The following MAPK8IP3 variants were observed in gnomAD, a reference collection of about 807,000 sequenced individuals.
MAPK8IP3 encodes the protein C-Jun-amino-terminal kinase-interacting protein 3.
In MAPK8IP3, 49 loss-of-function variants were observed where a neutral mutation model predicts 157.8. That is an observed-to-expected ratio of 0.31 (90% CI 0.25 to 0.39). MAPK8IP3 has a LOEUF of 0.39. Among genes scored for constraint, MAPK8IP3 ranks in the 10% least tolerant of loss-of-function variants. The pLI, the probability that MAPK8IP3 is intolerant of heterozygous loss-of-function variation, is 1.00. For synonymous variants in MAPK8IP3, 897 were observed against 777.7 expected (o/e 1.15, Z -2.55); for missense variants, 1,478 against 1,889.4 (o/e 0.78, Z 4.04).
chr16:1,719,263 C>A (rs2038357423), intron 1 of MAPK8IP3, among the ~76,000 whole-genome samples: 1 of 151,972 alleles, frequency 6.6e-6, no homozygotes, highest in Admixed American at 6.6e-5. Flanking sequence ...GCCACTGTGC[C>A]CAGCCTGAGA....
intron 2 of MAPK8IP3, among the ~76,000 whole-genome samples, chr16:1,725,910 G>A (rs1446844367): frequency 1.3e-5 from 2 of 152,108 alleles, no homozygotes; most frequent in Admixed American, 6.5e-5. Context: ...TGTTAGCCAG[G>A]ATGGTCTCGA....
rs2041284974 is a variant in MAPK8IP3 at position 1,751,474 on chromosome 16, A to G, written c.1216+2754A>G. The stretch of plus-strand genomic sequence containing the variant: ...GGACTCTGTCTCAAAAAAAAAACTG[A>G]GGTCAGGGAGGGTGAGATGACGGTG... On this transcript the variant is annotated intron_variant, in intron 8 of 31. Coordinates refer to ENST00000610761, the MANE Select transcript of MAPK8IP3 (RefSeq NM_001318852.2). The surrounding 1 kb of genome is among the most constrained non-coding windows in gnomAD (Gnocchi z 5.0). 6.6e-6 allele frequency: 1 copy of G among 151,494 alleles called. No individual in the cohort carries two copies. The highest frequency in any genetic ancestry group is 2.1e-4 in the South Asian group (1 of 4,800). The allele number at this position is 151,494 out of a possible 1,614,324, so 9.4% of individuals were successfully genotyped here.
In MAPK8IP3 at chr16:1,766,607, C is replaced by T. The variant is rs761292467; in HGVS notation, c.2898C>T (p.Ser966=). ...GCGGGGACCCCACGGGAGCAGGCAG[C>T]AGTGCTGCACCCACCATGTGGCTGG... is the stretch of plus-strand genomic sequence containing the variant. ...EPSGDPTGAG[S]SAAPTMWLGA... is the part of the protein sequence containing the mutation. Residue 966 remains serine, a synonymous_variant, in exon 23 of 32, where the codon AGC becomes AGT. Coordinates refer to ENST00000610761, the MANE Select transcript of MAPK8IP3 (RefSeq NM_001318852.2). 4 of 1,612,394 alleles carry T rather than the reference C, an allele frequency of 2.5e-6. No individual in the cohort carries two copies. Among genetic ancestry groups the T allele is most frequent in the Non-Finnish European group, 2.5e-6 (3 of 1,179,858 alleles).
At chr16:1,746,831 C>A in intron 5 of MAPK8IP3, 198 bp from the exon 6 acceptor site, 2 of 628,400 alleles carry the variant, frequency 3.2e-6, no homozygotes. Context: ...AGTCAGTGGC[C>A]GGATAAGCAG....
intron 1 of MAPK8IP3, among the ~76,000 whole-genome samples, chr16:1,720,548 C>T (rs1480049321): frequency 6.6e-6 from 1 of 152,106 alleles, no homozygotes; most frequent in African/African-American, 2.4e-5. Flanking sequence ...GATGATCGTA[C>T]ATCTGCTCTA....
chr16:1,740,626 G>A (rs773523346), intron 4 of MAPK8IP3, among the ~76,000 whole-genome samples: 2 of 152,270 alleles, frequency 1.3e-5, no homozygotes, highest in Non-Finnish European at 2.9e-5. Context: ...GCCTTCTAAC[G>A]CCTGTCTCCT....
rs1353568314 is a variant in MAPK8IP3 at position 1,716,332 on chromosome 16, CAG to C, written c.319-8222_319-8221del. Reference sequence around the variant, plus strand: ...TTTCTTTTTTTTTTTTTTTTTGAGACAGAGTCTCCCTCTGTCATGCAGTGGCG... The same window carrying C: ...TTTCTTTTTTTTTTTTTTTTTGAGACAGTCTCCCTCTGTCATGCAGTGGCG... On this transcript the variant is annotated intron_variant, in intron 1 of 31. Coordinates refer to ENST00000610761, the MANE Select transcript of MAPK8IP3 (RefSeq NM_001318852.2). Among the ~76,000 whole-genome samples the C allele has an allele frequency of 1.4e-4, 19 of 138,636 alleles. No individual in the cohort carries two copies. In the East Asian group the frequency reaches 3.0e-3, roughly 22 times the overall value. The allele number at this position is 138,636 out of a possible 152,430, so 91.0% of individuals were successfully genotyped here.
Position 1,743,491 on chromosome 16 carries a change from C to T in MAPK8IP3, c.747+15C>T. ...CCAGCTACCAGGTTTTGTAGCCGTG[C>T]CGTGGAGTGAGAGGCTCCTCCCTGT... On this transcript the variant is annotated intron_variant, in intron 5 of 31. Transcript: ENST00000610761. This position sits in a 1 kb window ranked among gnomAD's most constrained non-coding sequence, Gnocchi z 5.6. 3 of 1,606,662 alleles carry T rather than the reference C, an allele frequency of 1.9e-6. No individual in the cohort carries two copies. Among genetic ancestry groups the T allele is most frequent in the Non-Finnish European group, 2.5e-6 (3 of 1,178,326 alleles).
chr16:1,729,272 G>C, intron 3 of MAPK8IP3, 64 bp downstream of exon 3: 3 of 1,542,226 alleles, frequency 1.9e-6, no homozygotes, highest in South Asian at 2.2e-5. Context: ...TGACGCCTGC[G>C]ACTCTTGCGG....
intron 4 of MAPK8IP3, among the ~76,000 whole-genome samples, chr16:1,734,070 C>T (rs536123613): frequency 5.3e-5 from 8 of 152,352 alleles, no homozygotes; most frequent in Admixed American, 2.0e-4. Context: ...TCCAGGTTTA[C>T]ACCAAAGCCT....
chr16:1,757,372 G>A (rs1011919181), intron 8 of MAPK8IP3, among the ~76,000 whole-genome samples: 1 of 152,178 alleles, frequency 6.6e-6, no homozygotes, highest in African/African-American at 2.4e-5. Context: ...CTAAAGTGCT[G>A]GGATTACAGG....
chr16:1,716,438 C>T (rs1217152707), intron 1 of MAPK8IP3, among the ~76,000 whole-genome samples: 1 of 151,338 alleles, frequency 6.6e-6, no homozygotes, highest in Non-Finnish European at 1.5e-5. Context: ...GCTGGGATTA[C>T]AGGTACGCAC....
chr16:1,761,153 C>A, intron 12 of MAPK8IP3, 71 bp from the exon 13 acceptor site: 1 of 1,233,636 alleles, frequency 8.1e-7, no homozygotes, highest in Non-Finnish European at 1.2e-6. Flanking sequence ...TCGGGGCGGG[C>A]ACTGCCCGCT....
intron 19 of MAPK8IP3, 142 bp downstream of exon 19, chr16:1,764,601 G>C: frequency 1.7e-6 from 2 of 1,192,004 alleles, no homozygotes; most frequent in Non-Finnish European, 2.3e-6. Context: ...TAGACTGCGG[G>C]AAGCAGTGTC....
At chr16:1,758,588 A>T (rs901369985) in intron 9 of MAPK8IP3, among the ~76,000 whole-genome samples, 3 of 152,090 alleles carry the variant, frequency 2.0e-5, no homozygotes, top group Non-Finnish European at 4.4e-5. Context: ...CTGGCTGCAC[A>T]GCAGGAGGCT....
chr16:1,726,206 C>G (rs1159529359), intron 2 of MAPK8IP3, among the ~76,000 whole-genome samples: 1 of 152,236 alleles, frequency 6.6e-6, no homozygotes, highest in Non-Finnish European at 1.5e-5. Flanking sequence ...AGCTTCCACA[C>G]ACATGGAAAC....
At position 1,743,701 on chromosome 16, in the gene MAPK8IP3, C is replaced by T; in HGVS notation, c.747+225C>T. The T allele has an allele frequency of 7.2e-7, 1 of 1,397,312 alleles. No individual in the cohort carries two copies. The highest frequency in any genetic ancestry group is 9.2e-7 in the Non-Finnish European group (1 of 1,083,514). 86.6% of individuals were successfully genotyped at this position (1,397,312 alleles called of 1,614,324 possible). On this transcript the variant is annotated intron_variant, in intron 5 of 31. Transcript: ENST00000610761. This position sits in a 1 kb window ranked among gnomAD's most constrained non-coding sequence, Gnocchi z 5.6. ...GCTGTTCCACGCGGCCTCGTGTCGG[C>T]ACCTGCTAGTCCAGGCTAGACCTCC...
At chr16:1,736,865 T>C (rs527385120) in intron 4 of MAPK8IP3, among the ~76,000 whole-genome samples, 1 of 75,692 alleles carries the variant, frequency 1.3e-5, no homozygotes, top group East Asian at 4.7e-4. Context: ...TGACCGTCCA[T>C]GTGAGCATCC....
Position 1,766,269 on chromosome 16 carries a change from A to T in MAPK8IP3, c.2679A>T (p.Thr893=), listed in dbSNP as rs771356619. The T allele has an allele frequency of 6.2e-7, 1 of 1,612,582 alleles. No individual in the cohort carries two copies. The highest frequency in any genetic ancestry group is 1.1e-5 in the South Asian group (1 of 91,076). The change falls in exon 22 of 32, where the codon ACA becomes ACT. Residue 893 remains threonine (T), a synonymous_variant. Transcript: ENST00000610761. ...GGAAGGTCAACCCGTCCCAGTCCAC[A>T]GAGGAGGCCACAGAGGCCACGGAGG... The part of the protein sequence containing the change: ...ANGKVNPSQS[T]EEATEATEVP...
Sources: allele counts gnomAD v4.1 joint callset (sites outside exome capture counted in the v4.1 genomes callset), GRCh38; gene constraint gnomAD v4.1.1; non-coding constraint Gnocchi (gnomAD v3.1); transcripts MANE v1.5; gene names NCBI Gene and HGNC (gene_info 2026-07-23, HGNC 2026-07-21).